The following RABL3 variants were observed in gnomAD, a reference collection of about 807,000 sequenced individuals.
The protein encoded by RABL3 is rab-like protein 3.
A neutral mutation model predicts 31.8 loss-of-function variants in RABL3; 31 were observed. That is an observed-to-expected ratio of 0.97 (90% CI 0.73 to 1.31). The LOEUF is 1.31. Among genes scored for constraint, RABL3 ranks in the 40% most tolerant of loss-of-function variants. The pLI is 0.00. For missense variants in RABL3, 263 were observed against 279.6 expected (o/e 0.94, Z 0.42); for synonymous variants, 97 against 99.9 (o/e 0.97, Z 0.18).
chr3:120,730,744 T>G lies in RABL3; in HGVS notation c.90A>C (p.Gln30His), dbSNP rs1453623209. The G allele has an allele frequency of 6.2e-7, 1 of 1,613,968 alleles. No individual in the cohort carries two copies. Among genetic ancestry groups the G allele is most frequent in the Non-Finnish European group, 8.5e-7 (1 of 1,179,898 alleles). The change falls in exon 2 of 8, where the codon CAA (glutamine) becomes CAC (histidine). Residue 30 changes from glutamine to histidine, a missense_variant. By Grantham distance (24) the Gln-to-His change is conservative. Coordinates refer to ENST00000273375, the MANE Select transcript of RABL3 (RefSeq NM_173825.5). Reference protein sequence around the residue: ...SSLVHLLCQNQVLGNPSWTVG... With the variant: ...SSLVHLLCQNHVLGNPSWTVG... ...CAGTCCATGATGGATTTCCCAGCAC[T>G]TGATTTTGGCATAGGAGATGGACTA...
chr3:120,690,180 C>A (rs1319218962), intron 7 of RABL3, among the ~76,000 whole-genome samples: 2 of 151,886 alleles, frequency 1.3e-5, no homozygotes, highest in African/African-American at 4.8e-5. Flanking sequence ...TGTGACAGAC[C>A]CTGAACGTAT....
At chr3:120,729,841 G>C (rs1407318095) in intron 2 of RABL3, among the ~76,000 whole-genome samples, 1 of 151,870 alleles carries the variant, frequency 6.6e-6, no homozygotes, top group African/African-American at 2.4e-5. Context: ...AATGAGGCAA[G>C]ACAGATAATG....
At position 120,688,293 on chromosome 3, in the gene RABL3, T is replaced by C. The variant is rs997296076; in HGVS notation, c.*1530A>G. On this transcript the variant is annotated 3_prime_UTR_variant, in exon 8 of 8. Transcript: ENST00000273375. ...TATGCAACAACATACTTGTGACCAA[T>C]TCTACATACAGATCATGATTTGCAT... 1 of 152,630 alleles carries C rather than the reference T, an allele frequency of 6.6e-6. No homozygotes were observed. Among genetic ancestry groups the C allele is most frequent in the East Asian group, 1.9e-4 (1 of 5,196 alleles). The allele number at this position is 152,630 out of a possible 1,614,324, so 9.5% of individuals were successfully genotyped here.
intron 2 of RABL3, among the ~76,000 whole-genome samples, chr3:120,725,045 T>C (rs1708800542): frequency 6.6e-6 from 1 of 152,012 alleles, no homozygotes; most frequent in Non-Finnish European, 1.5e-5. Context: ...GTTTGCAATC[T>C]ACTCATCTGA....
chr3:120,703,147 T>G (rs560271534), intron 4 of RABL3, among the ~76,000 whole-genome samples: 35 of 152,232 alleles, frequency 2.3e-4, no homozygotes, highest in African/African-American at 8.2e-4. Context: ...CTACTTAGTG[T>G]ACCAAAGACA....
At chr3:120,701,533 T>C (rs1303262242) in intron 4 of RABL3, among the ~76,000 whole-genome samples, 1 of 152,212 alleles carries the variant, frequency 6.6e-6, no homozygotes, top group Non-Finnish European at 1.5e-5. Context: ...AATTTAAGGA[T>C]AAGTTTCTTA....
rs143780029 is a variant in RABL3 at position 120,698,488 on chromosome 3, G to C, written c.469C>G (p.Arg157Gly). The change falls in exon 5 of 8, where the codon CGC (arginine) becomes GGC (glycine). Residue 157 changes from arginine to glycine, a missense_variant. Physicochemically the swap from Arg to Gly is moderately radical, Grantham distance 125 (BLOSUM62 -2). Coordinates refer to ENST00000273375, the MANE Select transcript of RABL3 (RefSeq NM_173825.5). The stretch of plus-strand genomic sequence containing the variant: ...GCAGTCCTAGTTAAAACTTCATGGC[G>C]CTTTGTTTCATGAATCTGGTCCAGT... ...TKLDQIHETK[R>G]HEVLTRTAFL... 2.3e-4 allele frequency: 365 copies of C among 1,613,630 alleles called. No homozygotes were observed. The highest frequency in any genetic ancestry group is 2.8e-4 in the Non-Finnish European group (331 of 1,179,648).
chr3:120,733,608 T>C (rs966363189), intron 1 of RABL3, among the ~76,000 whole-genome samples: 2 of 152,214 alleles, frequency 1.3e-5, no homozygotes, highest in Non-Finnish European at 2.9e-5. Flanking sequence ...GCTTTTGGTG[T>C]TTTAGACATG....
chr3:120,702,293 G>T (rs1279468751), intron 4 of RABL3, among the ~76,000 whole-genome samples: 1 of 152,112 alleles, frequency 6.6e-6, no homozygotes, highest in Non-Finnish European at 1.5e-5. Context: ...ATGGTTTCAG[G>T]ATGAAGCTGT....
chr3:120,685,865 A>T lies in RABL3; in HGVS notation c.*3958T>A, dbSNP rs943633039. On this transcript the variant is annotated 3_prime_UTR_variant, in exon 8 of 8. Coordinates refer to ENST00000273375, the MANE Select transcript of RABL3 (RefSeq NM_173825.5). Reference sequence around the variant, plus strand: ...ACAAAATCCTGGCCTTATCCTATACATATAGAAAGGGGAGAGTAAGGGAAG... The same window carrying T: ...ACAAAATCCTGGCCTTATCCTATACTTATAGAAAGGGGAGAGTAAGGGAAG... Among the ~76,000 whole-genome samples the T allele has an allele frequency of 2.0e-5, 3 of 152,216 alleles. No homozygotes were observed. The highest frequency in any genetic ancestry group is 7.2e-5 in the African/African-American group (3 of 41,466).
chr3:120,717,551 C>T (rs553044398), intron 2 of RABL3, among the ~76,000 whole-genome samples: 9 of 152,254 alleles, frequency 5.9e-5, no homozygotes, highest in African/African-American at 1.9e-4. Flanking sequence ...TCACTGCAAC[C>T]TCCGCATCCC....
intron 4 of RABL3, among the ~76,000 whole-genome samples, chr3:120,705,767 C>T (rs1708541027): frequency 1.3e-5 from 2 of 151,866 alleles, no homozygotes; most frequent in African/African-American, 2.4e-5. Context: ...TAGGATTAGG[C>T]AAAGAGTTCT....
At chr3:120,696,634 C>T (rs917190981) in intron 5 of RABL3, among the ~76,000 whole-genome samples, 6 of 151,276 alleles carry the variant, frequency 4.0e-5, no homozygotes, top group Admixed American at 2.6e-4. Context: ...CACACATGCA[C>T]GCGATTATCA....
chr3:120,719,274 G>C (rs893000311), intron 2 of RABL3, among the ~76,000 whole-genome samples: 1 of 152,224 alleles, frequency 6.6e-6, no homozygotes, highest in African/African-American at 2.4e-5. Flanking sequence ...CAGCGTGAGC[G>C]ACACAGAAGA....
chr3:120,709,220 T>C (rs374300082), intron 3 of RABL3, among the ~76,000 whole-genome samples: 11 of 152,196 alleles, frequency 7.2e-5, no homozygotes, highest in African/African-American at 2.6e-4. Context: ...AGGTACTCTA[T>C]GAAAGGAAAT....
chr3:120,690,081 C>T lies in RABL3; in HGVS notation c.646-193G>A, dbSNP rs545481756. ...TCTTACCCAAATGGAAAACATTTCC[C>T]AACAAATTGGTGATAGTGTCATCTA... On this transcript the variant is annotated intron_variant, in intron 7 of 7. Coordinates refer to ENST00000273375, the MANE Select transcript of RABL3 (RefSeq NM_173825.5). 4.6e-5 allele frequency among the ~76,000 whole-genome samples: 7 copies of T among 152,124 alleles called. No homozygotes were observed. The South Asian group carries it at 1.5e-3, about 32-fold the overall frequency.
chr3:120,724,032 T>G (rs1366217064), intron 2 of RABL3, among the ~76,000 whole-genome samples: 2 of 152,216 alleles, frequency 1.3e-5, no homozygotes, highest in East Asian at 1.9e-4. Flanking sequence ...GATGACATGA[T>G]AGTATATCCA....
Position 120,731,242 on chromosome 3 carries a change from C to A in RABL3, c.47-455G>T, listed in dbSNP as rs1331108750. Among the ~76,000 whole-genome samples the A allele has an allele frequency of 5.3e-5, 8 of 152,284 alleles. 1 individual carries two copies. The highest frequency in any genetic ancestry group is 3.4e-3 in the Middle Eastern group (1 of 294). On this transcript the variant is annotated intron_variant, in intron 1 of 7. Transcript: ENST00000273375. Reference sequence around the variant, plus strand: ...TCTGAGAAGTAATCCCTCTCTCCTGCACACCAATGCTGAGGTCCCCTCCAT... The same window carrying A: ...TCTGAGAAGTAATCCCTCTCTCCTGAACACCAATGCTGAGGTCCCCTCCAT...
At chr3:120,695,616 A>C (rs1708428171) in intron 5 of RABL3, among the ~76,000 whole-genome samples, 1 of 152,182 alleles carries the variant, frequency 6.6e-6, no homozygotes, top group African/African-American at 2.4e-5. Flanking sequence ...AATAAAGATA[A>C]TTCCATATAT....
Sources: gnomAD v4.1 joint callset for allele counts (sites outside exome capture counted in the v4.1 genomes callset) on GRCh38, gnomAD v4.1.1 for gene constraint, MANE v1.5 for transcripts, NCBI Gene and HGNC (gene_info 2026-07-23, HGNC 2026-07-21) for gene names.